GSE1: variants seen among roughly 807,000 people sequenced by gnomAD.
GSE1 encodes Gse1 coiled-coil protein.
Under a neutral mutation model 112.6 loss-of-function variants are expected in GSE1, and 32 were observed. That is an observed-to-expected ratio of 0.28 (90% CI 0.21 to 0.38). The LOEUF is 0.38. Ranked by LOEUF, GSE1 falls within the 10% of genes least tolerant of loss-of-function variation. The pLI is 1.00. For synonymous variants in GSE1, 1,115 were observed against 735.6 expected (o/e 1.52, Z -8.35); for missense variants, 2,348 against 1,699.2 (o/e 1.38, Z -6.71).
exon 1 of GSE1, chr16:85,556,062 AT>A: frequency 1.0e-6 from 1 of 980,918 alleles, no homozygotes; most frequent in Non-Finnish European, 1.2e-6. Flanking sequence ...CAATTACCTC[AT>A]TGTGGATCTG....
chr16:85,367,541 G>C (rs1049010434), intron 2 of GSE1, among the ~76,000 whole-genome samples: 2 of 152,234 alleles, frequency 1.3e-5, no homozygotes, highest in Non-Finnish European at 2.9e-5. Flanking sequence ...AGGGGACAGA[G>C]AGACCTGAGG....
intron 1 of GSE1, among the ~76,000 whole-genome samples, chr16:85,230,388 C>T (rs1184128484): frequency 2.6e-5 from 4 of 152,170 alleles, no homozygotes; most frequent in Non-Finnish European, 4.4e-5. Context: ...GTGTTACCCA[C>T]GCCCCTTTCT....
At chr16:85,440,728 G>T (rs930826110) in intron 2 of GSE1, among the ~76,000 whole-genome samples, 6 of 152,196 alleles carry the variant, frequency 3.9e-5, no homozygotes, top group African/African-American at 1.4e-4. Context: ...GAACCATCAC[G>T]GGGGCACAGC....
chr16:85,308,325 G>A (rs991239926), intron 1 of GSE1, among the ~76,000 whole-genome samples: 1 of 152,180 alleles, frequency 6.6e-6, no homozygotes, highest in African/African-American at 2.4e-5. Context: ...GGAGGACGCT[G>A]AGGGAACCTT....
intron 1 of GSE1, among the ~76,000 whole-genome samples, chr16:85,622,501 T>C (rs553642298): frequency 6.3e-4 from 96 of 152,344 alleles, no homozygotes; most frequent in African/African-American, 2.2e-3. Context: ...TCATGGATGC[T>C]ACACATCTTC....
intron 2 of GSE1, among the ~76,000 whole-genome samples, chr16:85,533,716 C>G (rs9939160): frequency 7.9e-5 from 12 of 151,798 alleles, no homozygotes; most frequent in African/African-American, 2.9e-4. Flanking sequence ...ATTTTAAAAA[C>G]TATCTGGACG....
chr16:85,483,127 A>G (rs1457659678), intron 2 of GSE1, among the ~76,000 whole-genome samples: 3 of 152,256 alleles, frequency 2.0e-5, no homozygotes, highest in Non-Finnish European at 4.4e-5. Context: ...TATGTGGATC[A>G]GGTGTATATG....
At chr16:85,641,362 T>A (rs2050433254) in intron 2 of GSE1, among the ~76,000 whole-genome samples, 1 of 152,114 alleles carries the variant, frequency 6.6e-6, no homozygotes, top group African/African-American at 2.4e-5. Context: ...GCTGTCAGTT[T>A]GGGTTTGATG....
chr16:85,291,832 G>A (rs1317931547), intron 1 of GSE1, among the ~76,000 whole-genome samples: 2 of 152,132 alleles, frequency 1.3e-5, no homozygotes, highest in Non-Finnish European at 2.9e-5. Flanking sequence ...CCATCCCCCC[G>A]CCAGCACAAA....
intron 1 of GSE1, among the ~76,000 whole-genome samples, chr16:85,623,635 G>T (rs2048877655): frequency 1.3e-5 from 2 of 152,192 alleles, no homozygotes; most frequent in South Asian, 2.1e-4. Flanking sequence ...GGACCCCGGT[G>T]CCTGCAGGCA....
intron 2 of GSE1, among the ~76,000 whole-genome samples, chr16:85,427,062 T>G (rs2049010744): frequency 6.6e-6 from 1 of 152,130 alleles, no homozygotes; most frequent in Non-Finnish European, 1.5e-5. Context: ...AGCCCAGACC[T>G]CACATTGGGA....
chr16:85,246,731 C>T (rs867030717), intron 1 of GSE1, among the ~76,000 whole-genome samples: 16 of 152,132 alleles, frequency 1.1e-4, no homozygotes, highest in South Asian at 2.1e-4. Context: ...GCCTGGGGGG[C>T]AGCCAAAGGC....
In GSE1 at chr16:85,246,488, CA is replaced by C. The variant is rs1567636383; in HGVS notation, c.2283+74682del. Among the ~76,000 whole-genome samples, 13 of 120,920 alleles carry C rather than the reference CA, an allele frequency of 1.1e-4. 2 individuals are homozygous for C. Among genetic ancestry groups the C allele is most frequent in the Admixed American group, 1.6e-4 (2 of 12,682 alleles). The allele number at this position is 120,920 out of a possible 152,430, so 79.3% of individuals were successfully genotyped here. Reference sequence around the variant, plus strand: ...CACACGCTGCACACACACACACACACACACTCTACACACCCCCCCCCCCCCG... The same window carrying C: ...CACACGCTGCACACACACACACACACCACTCTACACACCCCCCCCCCCCCG... On this transcript the variant is annotated intron_variant, in intron 1 of 2. Coordinates refer to the GSE1 transcript ENST00000637419.
intron 1 of GSE1, among the ~76,000 whole-genome samples, chr16:85,211,130 C>T (rs112265967): frequency 0.011 from 1,625 of 152,236 alleles, 21 homozygotes; most frequent in African/African-American, 0.037. Context: ...GAGCCACAGG[C>T]ATGCTTACCC....
intron 1 of GSE1, among the ~76,000 whole-genome samples, chr16:85,236,037 G>T (rs1034827640): frequency 6.6e-6 from 1 of 151,992 alleles, no homozygotes; most frequent in African/African-American, 2.4e-5. Flanking sequence ...TGGGGCTGGG[G>T]CTGGGGCTGG....
intron 1 of GSE1, among the ~76,000 whole-genome samples, chr16:85,230,390 C>T (rs1252058563): frequency 1.1e-4 from 16 of 152,104 alleles, no homozygotes; most frequent in Non-Finnish European, 2.9e-5. Context: ...GTTACCCACG[C>T]CCCTTTCTTT....
chr16:85,555,008 C>T (rs2045128594), upstream of GSE1: 3 of 985,366 alleles, frequency 3.0e-6, no homozygotes, highest in Non-Finnish European at 2.4e-6. Flanking sequence ...TGCCGCCCGG[C>T]TCGGCGGCCG....
chr16:85,351,107 C>T (rs1368510767), intron 1 of GSE1, among the ~76,000 whole-genome samples: 1 of 152,206 alleles, frequency 6.6e-6, no homozygotes, highest in Non-Finnish European at 1.5e-5. Flanking sequence ...CTGCTAAGAT[C>T]TCCCAGCTGG....
intron 1 of GSE1, among the ~76,000 whole-genome samples, chr16:85,294,637 CTCTCTCTCTCTCTCTCTCTCTG>C (rs1357068660): frequency 7.1e-6 from 1 of 140,048 alleles, no homozygotes; most frequent in African/African-American, 2.8e-5. Context: ...CTCTCTCTCT[CTCTCTCTCTCTCTCTCTCTCTG>C]TCTCTCTCTC....
Sources: gnomAD v4.1 joint callset for allele counts (sites outside exome capture counted in the v4.1 genomes callset) on GRCh38, gnomAD v4.1.1 for gene constraint, MANE v1.5 for transcripts, NCBI Gene and HGNC (gene_info 2026-07-23, HGNC 2026-07-21) for gene names.